Variants in C4orf17 observed in about 807,000 individuals in gnomAD.
C4orf17 encodes the protein chromosome 4 open reading frame 17.
A neutral mutation model predicts 32.0 loss-of-function variants in C4orf17; 25 were observed. That is an observed-to-expected ratio of 0.78 (90% CI 0.57 to 1.09). The LOEUF is 1.09. Ranked by LOEUF, C4orf17 falls within the 50% of genes least tolerant of loss-of-function variation. The pLI is 0.00. For missense variants in C4orf17, 420 were observed against 420.0 expected (o/e 1.00, Z 0.00); for synonymous variants, 149 against 145.8 (o/e 1.02, Z -0.16).
At chr4:99,514,012 C>A (rs1723137447) in intron 2 of C4orf17, among the ~76,000 whole-genome samples, 1 of 151,900 alleles carries the variant, frequency 6.6e-6, no homozygotes, top group Non-Finnish European at 1.5e-5. Context: ...GTGATACCAC[C>A]CCCGACAAAG....
At chr4:99,541,815 T>C in intron 8 of C4orf17, 95 bp from the exon 9 acceptor site, 1 of 883,146 alleles carries the variant, frequency 1.1e-6, no homozygotes, top group Non-Finnish European at 1.8e-6. Flanking sequence ...CTAAACTTCA[T>C]ATAGTTTTTT....
At chr4:99,537,831 G>A (rs1240502085) in intron 6 of C4orf17, 81 bp downstream of exon 6, 5 of 1,010,908 alleles carry the variant, frequency 4.9e-6, no homozygotes, top group Non-Finnish European at 6.2e-6. Flanking sequence ...CTGAAGTTTT[G>A]TACCTTGGAT....
intron 2 of C4orf17, 148 bp downstream of exon 2, chr4:99,513,356 C>G (rs893249409): frequency 1.0e-6 from 1 of 994,112 alleles, no homozygotes; most frequent in African/African-American, 1.6e-5. Flanking sequence ...GATGCCAGCA[C>G]TGTAGTGAGA....
chr4:99,532,891 A>G (rs1233443714), intron 5 of C4orf17, among the ~76,000 whole-genome samples: 1 of 152,242 alleles, frequency 6.6e-6, no homozygotes, highest in Non-Finnish European at 1.5e-5. Flanking sequence ...AGGGACATAA[A>G]GAATGTTTAG....
At position 99,535,562 on chromosome 4, in the gene C4orf17, CT is replaced by C. The variant is rs1338843584; in HGVS notation, c.547-2105del. On this transcript the variant is annotated intron_variant, in intron 5 of 8. Transcript: ENST00000326581. Reference sequence around the variant, plus strand: ...ATACTTACAATTACATTGTAAAGTTCTTGTGTTTTTCAGCTCCATCAGGTCA... The same window carrying C: ...ATACTTACAATTACATTGTAAAGTTCTGTGTTTTTCAGCTCCATCAGGTCA... Among the ~76,000 whole-genome samples, 5 of 152,200 alleles carry C rather than the reference CT, an allele frequency of 3.3e-5. No individual in the cohort carries two copies. The East Asian group carries it at 7.7e-4, about 23-fold the overall frequency.
intron 7 of C4orf17, 54 bp from the exon 8 acceptor site, chr4:99,540,358 A>G (rs1281768035): frequency 2.3e-6 from 3 of 1,309,360 alleles, no homozygotes; most frequent in Non-Finnish European, 3.3e-6. Flanking sequence ...AGTCTATAGA[A>G]AATACTTTTT....
Position 99,520,328 on chromosome 4 carries a change from C to T in C4orf17, c.128-2172C>T, listed in dbSNP as rs200443395. Among the ~76,000 whole-genome samples the T allele has an allele frequency of 4.6e-5, 7 of 152,094 alleles. No homozygotes were observed. The East Asian group carries it at 9.6e-4, about 21-fold the overall frequency. Reference sequence around the variant, plus strand: ...ACTAGGATGGTCTCGATCTCCTGACCTCGTGATCCGCCCGCCTCAGCCTCC... The same window carrying T: ...ACTAGGATGGTCTCGATCTCCTGACTTCGTGATCCGCCCGCCTCAGCCTCC... On this transcript the variant is annotated intron_variant, in intron 2 of 8. Transcript: ENST00000326581.
chr4:99,522,361 T>C (rs944259245), intron 2 of C4orf17, 139 bp from the exon 3 acceptor site: 9 of 643,064 alleles, frequency 1.4e-5, no homozygotes, highest in Admixed American at 3.2e-5. Context: ...TTTTTTTTGG[T>C]TTATACAATT....
intron 2 of C4orf17, among the ~76,000 whole-genome samples, chr4:99,516,330 C>T (rs955981410): frequency 1.3e-5 from 2 of 152,144 alleles, no homozygotes; most frequent in Admixed American, 1.3e-4. Flanking sequence ...AAATGAGCTG[C>T]CCACAGTCCC....
chr4:99,528,921 G>C (rs1723434409), intron 4 of C4orf17, among the ~76,000 whole-genome samples: 1 of 151,998 alleles, frequency 6.6e-6, no homozygotes, highest in East Asian at 1.9e-4. Flanking sequence ...AAAAAAATTG[G>C]ATTTGTTATA....
At chr4:99,525,985 G>A (rs2110169782) in intron 4 of C4orf17, among the ~76,000 whole-genome samples, 1 of 152,228 alleles carries the variant, frequency 6.6e-6, no homozygotes, top group South Asian at 2.1e-4. Flanking sequence ...TCTGCATGCT[G>A]TTTATCTCTG....
At chr4:99,519,794 G>C (rs113676101) in intron 2 of C4orf17, among the ~76,000 whole-genome samples, 111 of 152,320 alleles carry the variant, frequency 7.3e-4, no homozygotes, top group African/African-American at 2.6e-3. Flanking sequence ...AGGAATGAGG[G>C]ACAGGCCAGG....
intron 2 of C4orf17, among the ~76,000 whole-genome samples, chr4:99,520,925 A>G (rs1723278565): frequency 6.6e-6 from 1 of 152,236 alleles, no homozygotes; most frequent in Non-Finnish European, 1.5e-5. Flanking sequence ...CCATTTCTTT[A>G]CTGTTTACCA....
Position 99,529,826 on chromosome 4 carries a change from G to A in C4orf17, c.414G>A (p.Lys138=). The A allele has an allele frequency of 6.2e-7, 1 of 1,608,430 alleles. No homozygotes were observed. The highest frequency in any genetic ancestry group is 8.5e-7 in the Non-Finnish European group (1 of 1,177,750). Residue 138 remains lysine (K), a synonymous_variant, in exon 5 of 9, where the codon AAG becomes AAA. Coordinates refer to ENST00000326581, the MANE Select transcript of C4orf17 (RefSeq NM_032149.3). The stretch of plus-strand genomic sequence containing the variant: ...TACTTTTGATTTAGGAAGAAATTAA[G>A]GCCAAAAGACCACCATCACCTCCAA... ...NPLVIKKEEI[K]AKRPPSPPKA...
Position 99,541,966 on chromosome 4 carries a change from G to T in C4orf17, c.937G>T (p.Ala313Ser). 1 of 1,613,972 alleles carries T rather than the reference G, an allele frequency of 6.2e-7. No individual in the cohort carries two copies. Among genetic ancestry groups the T allele is most frequent in the Non-Finnish European group, 8.5e-7 (1 of 1,179,954 alleles). ...AAGAAATAATATGAAAATACCTGTTGCAGAATATTTCAGCAAACCAAATTC... is the reference window on the plus strand; with the variant it reads ...AAGAAATAATATGAAAATACCTGTTTCAGAATATTTCAGCAAACCAAATTC... ...IRRNNMKIPVAEYFSKPNSPP... is the reference protein window; with the variant it reads ...IRRNNMKIPVSEYFSKPNSPP... The change falls in exon 9 of 9, where the codon GCA becomes TCA. Residue 313 changes from alanine (A) to serine (S), a missense_variant. Physicochemically the swap from Ala to Ser is moderately conservative, Grantham distance 99. Transcript: ENST00000326581.
At chr4:99,538,844 G>A (rs908297466) in intron 6 of C4orf17, among the ~76,000 whole-genome samples, 1 of 152,018 alleles carries the variant, frequency 6.6e-6, no homozygotes, top group Admixed American at 6.6e-5. Context: ...TCTTATTTTT[G>A]TATAGGTATC....
chr4:99,515,263 G>A (rs1015855232), intron 2 of C4orf17, among the ~76,000 whole-genome samples: 2 of 152,004 alleles, frequency 1.3e-5, no homozygotes, highest in Admixed American at 1.3e-4. Context: ...TCACTGCAGC[G>A]CTATTCACAG....
At chr4:99,540,314 G>C in intron 7 of C4orf17, 98 bp from the exon 8 acceptor site, 1 of 730,954 alleles carries the variant, frequency 1.4e-6, no homozygotes, top group African/African-American at 1.8e-5. Flanking sequence ...GCATATTTAA[G>C]ATACATATAC....
rs916822975 is a variant in C4orf17 at position 99,532,917 on chromosome 4, T to C, written c.546+2959T>C. On this transcript the variant is annotated intron_variant, in intron 5 of 8. Transcript: ENST00000326581. ...GAATGTTTAGGATATAATTAGAAGA[T>C]AAAGAGAAGTGTGGAAGAGATCTTT... is the stretch of plus-strand genomic sequence containing the variant. Among the ~76,000 whole-genome samples, 3 of 152,164 alleles carry C rather than the reference T, an allele frequency of 2.0e-5. No individual in the cohort carries two copies. In the South Asian group the frequency reaches 6.2e-4, roughly 32 times the overall value.
Sources: allele counts gnomAD v4.1 joint callset (sites outside exome capture counted in the v4.1 genomes callset), GRCh38; gene constraint gnomAD v4.1.1; transcripts MANE v1.5; gene names NCBI Gene and HGNC (gene_info 2026-07-23, HGNC 2026-07-21).